Variants in SOX5 observed in about 807,000 individuals in gnomAD.
SOX5 encodes the protein SRY-box transcription factor 5, also known as transcription factor SOX-5.
A neutral mutation model predicts 92.0 loss-of-function variants in SOX5; 9 were observed. That is an observed-to-expected ratio of 0.10 (90% CI 0.06 to 0.17). The LOEUF (loss-of-function observed/expected upper bound fraction) is 0.17, where lower values mean the gene tolerates loss of function less well. SOX5 is among the 10% of genes least tolerant of loss of function. SOX5 has a pLI of 1.00. For synonymous variants in SOX5, 344 were observed against 336.3 expected (o/e 1.02, Z -0.25); for missense variants, 642 against 944.5 (o/e 0.68, Z 4.20).
At chr12:24,022,710 T>A (rs1441296506) in intron 4 of SOX5, among the ~76,000 whole-genome samples, 1 of 152,106 alleles carries the variant, frequency 6.6e-6, no homozygotes, top group Non-Finnish European at 1.5e-5. Context: ...GCCTAAGCCA[T>A]AAGCATGGCT....
At chr12:23,580,169 G>A (rs1949841881) in intron 9 of SOX5, among the ~76,000 whole-genome samples, 2 of 151,976 alleles carry the variant, frequency 1.3e-5, no homozygotes, top group Admixed American at 6.6e-5. Flanking sequence ...CGACTATGAA[G>A]TAATTACAAA....
At chr12:23,824,091 T>C (rs1490222601) in intron 3 of SOX5, among the ~76,000 whole-genome samples, 3 of 152,222 alleles carry the variant, frequency 2.0e-5, no homozygotes, top group South Asian at 2.1e-4. Flanking sequence ...AGTTTGCTAT[T>C]ACTCACCTTC....
chr12:24,162,634 C>G (rs894651178), intron 4 of SOX5, among the ~76,000 whole-genome samples: 28 of 152,080 alleles, frequency 1.8e-4, no homozygotes, highest in African/African-American at 6.8e-4. Context: ...GAGCCACGAT[C>G]GTGTGAATAT....
At chr12:24,401,751 T>G (rs1961732352) in intron 1 of SOX5, among the ~76,000 whole-genome samples, 1 of 150,902 alleles carries the variant, frequency 6.6e-6, no homozygotes, top group African/African-American at 2.5e-5. Flanking sequence ...CAAAATATTT[T>G]TTTCACTTAA....
intron 4 of SOX5, among the ~76,000 whole-genome samples, chr12:24,085,505 T>C (rs1032535518): frequency 4.6e-5 from 7 of 152,122 alleles, no homozygotes; most frequent in African/African-American, 1.7e-4. Flanking sequence ...TTATTGGAAG[T>C]ATCATTATGT....
chr12:24,135,163 T>C (rs1050998136), intron 4 of SOX5, among the ~76,000 whole-genome samples: 1 of 152,220 alleles, frequency 6.6e-6, no homozygotes, highest in Non-Finnish European at 1.5e-5. Flanking sequence ...GCTATTTTCA[T>C]TTCTTCCTGG....
chr12:24,277,911 C>G (rs1371662962), intron 2 of SOX5, among the ~76,000 whole-genome samples: 1 of 152,132 alleles, frequency 6.6e-6, no homozygotes, highest in Non-Finnish European at 1.5e-5. Flanking sequence ...ATGTATTTCT[C>G]TGAGTGCCGT....
intron 2 of SOX5, among the ~76,000 whole-genome samples, chr12:24,296,200 C>A (rs184052737): frequency 7.9e-5 from 12 of 152,188 alleles, no homozygotes; most frequent in African/African-American, 2.9e-4. Flanking sequence ...TCTCTTTATA[C>A]GCTGGTTTTA....
intron 3 of SOX5, among the ~76,000 whole-genome samples, chr12:24,251,901 G>A (rs954152868): frequency 3.3e-5 from 5 of 150,812 alleles, no homozygotes; most frequent in Admixed American, 2.6e-4. Flanking sequence ...TAATAAGACA[G>A]TATATTTTAT....
At chr12:24,484,426 G>C (rs1210769903) in intron 1 of SOX5, among the ~76,000 whole-genome samples, 1 of 152,168 alleles carries the variant, frequency 6.6e-6, no homozygotes, top group East Asian at 1.9e-4. Context: ...TTTGCTAGCT[G>C]ACACTGTTTT....
intron 1 of SOX5, among the ~76,000 whole-genome samples, chr12:23,914,323 G>A (rs1009712073): frequency 1.7e-4 from 26 of 151,960 alleles, no homozygotes; most frequent in Admixed American, 1.2e-3. Context: ...AATATACCAT[G>A]ATATATTCCA....
intron 4 of SOX5, among the ~76,000 whole-genome samples, chr12:24,174,873 A>G (rs538810924): frequency 6.6e-6 from 1 of 152,272 alleles, no homozygotes; most frequent in South Asian, 2.1e-4. Flanking sequence ...ATAATCACCA[A>G]GCACCCAATG....
At position 23,665,504 on chromosome 12, in the gene SOX5, C is replaced by T. The variant is rs1395055557; in HGVS notation, c.871G>A (p.Ala291Thr). 6.2e-7 allele frequency: 1 copy of T among 1,613,562 alleles called. No homozygotes were observed. Among genetic ancestry groups the T allele is most frequent in the East Asian group, 2.2e-5 (1 of 44,850 alleles). ...PVFPPDQRTL[A>T]AAAQQGFLLP... is the part of the protein sequence containing the mutation. ...AGGAATCCTTGCTGGGCAGCTGCAG[C>T]CAGTGTCCGTTGATCAGGAGGGAAT... Residue 291 changes from alanine (A) to threonine (T), a missense_variant, in exon 7 of 15, where the codon GCT (alanine) becomes ACT (threonine). This residue lies in a region of SOX5 where 324 missense variants were observed against 461.6 expected (regional missense o/e 0.70). Transcript: ENST00000451604.
chr12:24,267,017 A>G (rs1776826011), intron 3 of SOX5, among the ~76,000 whole-genome samples: 1 of 152,158 alleles, frequency 6.6e-6, no homozygotes, highest in Admixed American at 6.5e-5. Context: ...CATATTGGTA[A>G]TGGTATAAAA....
intron 2 of SOX5, among the ~76,000 whole-genome samples, chr12:24,319,488 A>G (rs183621664): frequency 3.4e-4 from 52 of 152,236 alleles, no homozygotes; most frequent in African/African-American, 1.0e-3. Context: ...TTAATCACCA[A>G]TATTGATACT....
chr12:24,295,056 C>T (rs985035021), intron 2 of SOX5, among the ~76,000 whole-genome samples: 6 of 151,824 alleles, frequency 4.0e-5, no homozygotes, highest in Admixed American at 3.3e-4. Flanking sequence ...AAGTTTAGCA[C>T]AGACATATAT....
At chr12:23,648,874 T>C (rs1246392433) in intron 7 of SOX5, among the ~76,000 whole-genome samples, 2 of 152,202 alleles carry the variant, frequency 1.3e-5, no homozygotes, top group Non-Finnish European at 2.9e-5. Flanking sequence ...AAAAGACTAC[T>C]ACAGTTATTA....
At chr12:23,604,192 T>C (rs909814761) in intron 9 of SOX5, 195 bp downstream of exon 9, 2 of 567,136 alleles carry the variant, frequency 3.5e-6, no homozygotes, top group Admixed American at 3.0e-5. Flanking sequence ...TACACGCATA[T>C]TGAATAAATG....
At chr12:24,207,980 A>T (rs1756030572) in intron 4 of SOX5, among the ~76,000 whole-genome samples, 1 of 152,220 alleles carries the variant, frequency 6.6e-6, no homozygotes. Context: ...AAAAAGAATA[A>T]ATCAGTAAAA....
Sources: gnomAD v4.1 joint callset for allele counts (sites outside exome capture counted in the v4.1 genomes callset) on GRCh38, gnomAD v4.1.1 for gene constraint, gnomAD v4.1.1 regional missense constraint, MANE v1.5 for transcripts, NCBI Gene and HGNC (gene_info 2026-07-23, HGNC 2026-07-21) for gene names.